Variants in CACHD1 observed in about 807,000 individuals in gnomAD.
CACHD1 encodes VWFA and cache domain-containing protein 1.
Under a neutral mutation model 138.7 loss-of-function variants are expected in CACHD1, and 71 were observed. That is an observed-to-expected ratio of 0.51 (90% confidence interval 0.42 to 0.62). CACHD1 has a LOEUF of 0.62. Ranked by LOEUF, CACHD1 falls within the 20% of genes least tolerant of loss-of-function variation. The pLI is 0.00. For synonymous variants in CACHD1, 578 were observed against 591.5 expected (o/e 0.98, Z 0.33); for missense variants, 1,389 against 1,625.3 (o/e 0.85, Z 2.50).
At chr1:64,512,393 C>CAAAAAAAAAAAAAAAAAAAA (rs551616431) in intron 1 of CACHD1, among the ~76,000 whole-genome samples, 7 of 78,596 alleles carry the variant, frequency 8.9e-5, no homozygotes, top group African/African-American at 4.5e-4. Context: ...GACTGTGTCT[C>CAAAAAAAAAAAAAAAAAAAA]AAAAAAAAAA....
At chr1:64,640,741 T>TTATA (rs67605354) in intron 7 of CACHD1, among the ~76,000 whole-genome samples, 6 of 149,310 alleles carry the variant, frequency 4.0e-5, no homozygotes, top group African/African-American at 1.5e-4. Context: ...ACTCTCAACA[T>TTATA]TATATATATA....
chr1:64,570,292 TGTG>T (rs1165478955), intron 2 of CACHD1, among the ~76,000 whole-genome samples: 1 of 152,176 alleles, frequency 6.6e-6, no homozygotes, highest in Admixed American at 6.5e-5. Flanking sequence ...TAACATGTGG[TGTG>T]GTAAAACTGG....
chr1:64,638,472 T>G (rs1319276084), intron 7 of CACHD1, among the ~76,000 whole-genome samples: 3 of 152,252 alleles, frequency 2.0e-5, no homozygotes, highest in Non-Finnish European at 4.4e-5. Context: ...CTAAAACTTT[T>G]GTCCAATTCT....
At chr1:64,577,149 T>C (rs1397075397) in intron 2 of CACHD1, among the ~76,000 whole-genome samples, 2 of 152,112 alleles carry the variant, frequency 1.3e-5, no homozygotes, top group African/African-American at 4.8e-5. Context: ...TCCCGCTATG[T>C]TGCCCAGACT....
intron 2 of CACHD1, among the ~76,000 whole-genome samples, chr1:64,578,830 C>A (rs548123613): frequency 6.6e-6 from 1 of 152,264 alleles, no homozygotes; most frequent in African/African-American, 2.4e-5. Flanking sequence ...TATGACCTAG[C>A]TTTAGGAGTC....
At chr1:64,518,707 T>C (rs1646476901) in intron 1 of CACHD1, among the ~76,000 whole-genome samples, 1 of 152,190 alleles carries the variant, frequency 6.6e-6, no homozygotes, top group Non-Finnish European at 1.5e-5. Flanking sequence ...GTAAGGTATA[T>C]AGATGGCTAG....
intron 1 of CACHD1, among the ~76,000 whole-genome samples, chr1:64,479,647 C>A (rs548683288): frequency 2.4e-4 from 37 of 152,282 alleles, no homozygotes; most frequent in Non-Finnish European, 3.5e-4. Flanking sequence ...ACTCAACTCA[C>A]ACTGGCAAGA....
intron 4 of CACHD1, among the ~76,000 whole-genome samples, chr1:64,624,893 T>C (rs1648042596): frequency 6.6e-6 from 1 of 152,206 alleles, no homozygotes; most frequent in South Asian, 2.1e-4. Context: ...GTAGTATATT[T>C]TGCATATCTT....
intron 1 of CACHD1, among the ~76,000 whole-genome samples, chr1:64,508,625 A>G (rs1429896130): frequency 2.0e-5 from 3 of 152,338 alleles, no homozygotes; most frequent in Admixed American, 6.5e-5. Flanking sequence ...AGTGATTGAC[A>G]TTAAACACCT....
chr1:64,642,157 GTC>G, intron 8 of CACHD1, among the ~76,000 whole-genome samples, 188 bp downstream of exon 8: 1 of 152,304 alleles, frequency 6.6e-6, no homozygotes, highest in South Asian at 2.1e-4. Context: ...CTCTTCATCT[GTC>G]TCTCCAGTGA....
intron 13 of CACHD1, among the ~76,000 whole-genome samples, 195 bp from the exon 14 acceptor site, chr1:64,663,500 G>A (rs540891647): frequency 8.8e-5 from 13 of 146,918 alleles, no homozygotes; most frequent in South Asian, 2.2e-4. Context: ...GCAGTGATCC[G>A]AAGCCGCGCC....
chr1:64,478,404 C>T (rs1312976553), intron 1 of CACHD1, among the ~76,000 whole-genome samples: 1 of 152,160 alleles, frequency 6.6e-6, no homozygotes, highest in Non-Finnish European at 1.5e-5. Flanking sequence ...ACTGCTTGTC[C>T]CTGTTCTCTC....
At chr1:64,667,118 A>G (rs1649661665) in intron 16 of CACHD1, among the ~76,000 whole-genome samples, 1 of 152,204 alleles carries the variant, frequency 6.6e-6, no homozygotes, top group Non-Finnish European at 1.5e-5. Flanking sequence ...TTTAAGCTAC[A>G]GATGTCAGGG....
At chr1:64,570,627 T>G (rs1449645899) in intron 2 of CACHD1, among the ~76,000 whole-genome samples, 1 of 152,076 alleles carries the variant, frequency 6.6e-6, no homozygotes, top group East Asian at 1.9e-4. Flanking sequence ...GAGAAGACCT[T>G]CCTAAATCCA....
At chr1:64,654,338 A>G (rs1330755888) in intron 11 of CACHD1, among the ~76,000 whole-genome samples, 2 of 152,200 alleles carry the variant, frequency 1.3e-5, no homozygotes, top group Non-Finnish European at 2.9e-5. Context: ...AACAGATTGG[A>G]TCTTTTCCAA....
intron 3 of CACHD1, among the ~76,000 whole-genome samples, chr1:64,600,533 A>G (rs369381725): frequency 2.0e-5 from 3 of 152,292 alleles, no homozygotes; most frequent in South Asian, 4.1e-4. Flanking sequence ...GAACAGGAGT[A>G]GGTACCCTGG....
intron 4 of CACHD1, among the ~76,000 whole-genome samples, chr1:64,609,188 T>C (rs1305593415): frequency 6.6e-6 from 1 of 152,150 alleles, no homozygotes; most frequent in Non-Finnish European, 1.5e-5. Context: ...TTTTTCTCTT[T>C]AAAATACCAT....
At chr1:64,572,172 A>T (rs1199092203) in intron 2 of CACHD1, among the ~76,000 whole-genome samples, 1 of 152,154 alleles carries the variant, frequency 6.6e-6, no homozygotes, top group Non-Finnish European at 1.5e-5. Context: ...AAAAGTTGTG[A>T]CGTAAAATGT....
intron 2 of CACHD1, among the ~76,000 whole-genome samples, chr1:64,555,781 A>T (rs1646792612): frequency 6.6e-6 from 1 of 152,198 alleles, no homozygotes; most frequent in South Asian, 2.1e-4. Flanking sequence ...GTAGGTATCC[A>T]ATTTCCTTTT....
Sources: gnomAD v4.1 joint callset for allele counts (sites outside exome capture counted in the v4.1 genomes callset) on GRCh38, gnomAD v4.1.1 for gene constraint, MANE v1.5 for transcripts, NCBI Gene and HGNC (gene_info 2026-07-23, HGNC 2026-07-21) for gene names.